Variants in RNF212B observed in about 807,000 individuals in gnomAD.
The protein encoded by RNF212B is E3 ubiquitin-protein ligase RNF212B.
RNF212B carries 52 observed loss-of-function variants against 55.5 expected under a neutral mutation model. That is an observed-to-expected ratio of 0.94 (90% CI 0.75 to 1.18). The LOEUF (loss-of-function observed/expected upper bound fraction) is 1.18. RNF212B is among the 50% of genes most tolerant of loss of function. The probability of loss-of-function intolerance (pLI) is 0.00; values close to 1 mark genes in which losing one functional copy is unlikely to be tolerated. For missense variants in RNF212B, 289 were observed against 350.4 expected (o/e 0.82, Z 1.40); for synonymous variants, 99 against 121.4 (o/e 0.82, Z 1.21).
chr14:23,268,353 G>A (rs1213919697), intron 11 of RNF212B, among the ~76,000 whole-genome samples: 2 of 152,208 alleles, frequency 1.3e-5, no homozygotes, highest in Non-Finnish European at 2.9e-5. Flanking sequence ...TATCATGGAG[G>A]TGGAGAAGGA....
Position 23,244,390 on chromosome 14 carries a change from C to G in RNF212B, c.222C>G (p.Ile74Met). Residue 74 changes from isoleucine to methionine, a missense_variant, in exon 4 of 15, where the codon ATC (isoleucine) becomes ATG (methionine). Physicochemically the swap from Ile to Met is conservative, Grantham distance 10. Transcript: ENST00000430154. ...CAGCTTTGCAGTATTTTAGTCACAT[C>G]TCTCAGGTATGAGAAACAAAAGTGA... ...VETALQYFSH[I>M]SQVWSFQKKQ... The G allele has an allele frequency of 6.5e-7, 1 of 1,532,708 alleles. No individual in the cohort carries two copies. Among genetic ancestry groups the G allele is most frequent in the Non-Finnish European group, 8.8e-7 (1 of 1,135,538 alleles). The allele number at this position is 1,532,708 out of a possible 1,614,324, so 94.9% of individuals were successfully genotyped here.
chr14:23,266,404 G>GTTTTTTTTTTTTTTTTTTTTTT (rs57731750), intron 11 of RNF212B, among the ~76,000 whole-genome samples: 1 of 46,872 alleles, frequency 2.1e-5, no homozygotes, highest in Non-Finnish European at 3.6e-5. Context: ...CCTTTTAAAT[G>GTTTTTTTTTTTTTTTTTTTTTT]TTTTTTTTTT....
intron 14 of RNF212B, among the ~76,000 whole-genome samples, chr14:23,271,335 T>A (rs1442564475): frequency 6.6e-6 from 1 of 151,374 alleles, no homozygotes; most frequent in African/African-American, 2.4e-5. Context: ...CTCAGCTACA[T>A]GAGAGGCTGA....
rs534517598 is a variant in RNF212B, at chr14:23,202,543, T to G, written c.-2+9142T>G. On this transcript the variant is annotated intron_variant, in intron 2 of 15. Transcript: ENST00000399910. ...TGGCATCTTCTACAGGGCCTAAAGA[T>G]GAGGCTTTAATTGCTGTCAGTGTTT... Among the ~76,000 whole-genome samples, 17 of 152,234 alleles carry G rather than the reference T, an allele frequency of 1.1e-4. No individual in the cohort carries two copies. The South Asian group carries it at 3.3e-3, about 30-fold the overall frequency.
At chr14:23,220,023 A>C (rs1881421303) in intron 2 of RNF212B, among the ~76,000 whole-genome samples, 1 of 151,780 alleles carries the variant, frequency 6.6e-6, no homozygotes, top group Non-Finnish European at 1.5e-5. Context: ...ATCTCTACCA[A>C]AAATACAAAA....
rs184994460 is a variant in RNF212B at position 23,212,697 on chromosome 14, T to G, written c.-2+19296T>G. ...CCTGGGTTCACACTATTCTCCTTTA[T>G]TTTTTAATTTAATAGAGATGGAGTC... On this transcript the variant is annotated intron_variant, in intron 2 of 15. Coordinates refer to the RNF212B transcript ENST00000399910. 2.4e-3 allele frequency among the ~76,000 whole-genome samples: 369 copies of G among 152,080 alleles called. 3 individuals are homozygous for G. The South Asian group carries it at 0.028, about 11-fold the overall frequency.
At chr14:23,252,944 A>G (rs1884523050) in intron 4 of RNF212B, among the ~76,000 whole-genome samples, 1 of 152,108 alleles carries the variant, frequency 6.6e-6, no homozygotes. Flanking sequence ...AATTATAACT[A>G]TATTTCTGTC....
chr14:23,230,881 C>G (rs1325106184), intron 2 of RNF212B, among the ~76,000 whole-genome samples: 1 of 152,022 alleles, frequency 6.6e-6, no homozygotes, highest in African/African-American at 2.4e-5. Flanking sequence ...CTGTTCTTTC[C>G]CCTATTCAAT....
chr14:23,210,419 G>T (rs1037534402), intron 2 of RNF212B, among the ~76,000 whole-genome samples: 2 of 152,206 alleles, frequency 1.3e-5, no homozygotes, highest in East Asian at 3.8e-4. Flanking sequence ...TTTGAACAAA[G>T]TCTGGAGTTT....
intron 2 of RNF212B, among the ~76,000 whole-genome samples, chr14:23,199,835 AGTT>A (rs1462507366): frequency 6.6e-6 from 1 of 152,148 alleles, no homozygotes; most frequent in African/African-American, 2.4e-5. Context: ...CTGAAGTTTA[AGTT>A]GTTTAGTCTC....
upstream of RNF212B, among the ~76,000 whole-genome samples, chr14:23,237,121 C>T (rs1452064156): frequency 2.0e-5 from 3 of 148,822 alleles, no homozygotes; most frequent in African/African-American, 7.4e-5. Context: ...CCCGCCACCA[C>T]ACCCGGCTAA....
At chr14:23,233,649 GGGGAATCATTCGGGCCTGGGAGGTTGA>G (rs1035937847), upstream of RNF212B, among the ~76,000 whole-genome samples, 1 of 150,448 alleles carries the variant, frequency 6.6e-6, no homozygotes, top group African/African-American at 2.4e-5. Flanking sequence ...GGCTGAGTTA[GGGGAATCATTCGGGCCTGGGAGGTTGA>G]GGCTGCAGTG....
intron 1 of RNF212B, among the ~76,000 whole-genome samples, chr14:23,185,861 A>T (rs1877540563): frequency 6.6e-6 from 1 of 152,180 alleles, no homozygotes; most frequent in South Asian, 2.1e-4. Context: ...GCACTTTGGG[A>T]GGCCGAAGCA....
chr14:23,238,577 T>C (rs1171920879), intron 1 of RNF212B, among the ~76,000 whole-genome samples: 1 of 150,846 alleles, frequency 6.6e-6, no homozygotes, highest in Non-Finnish European at 1.5e-5. Flanking sequence ...AAAATAAAAA[T>C]AAAAATAAAA....
chr14:23,207,639 G>A (rs529437754), intron 2 of RNF212B, among the ~76,000 whole-genome samples: 8 of 152,258 alleles, frequency 5.3e-5, no homozygotes, highest in African/African-American at 1.9e-4. Context: ...GTCAAAGGTC[G>A]GGGGCAACTC....
intron 14 of RNF212B, among the ~76,000 whole-genome samples, chr14:23,272,160 G>A (rs879589486): frequency 6.6e-6 from 1 of 152,170 alleles, no homozygotes; most frequent in Non-Finnish European, 1.5e-5. Context: ...GCTCATGCCT[G>A]TAATCCCAGC....
At chr14:23,198,500 C>T (rs547561780) in intron 2 of RNF212B, among the ~76,000 whole-genome samples, 23 of 151,962 alleles carry the variant, frequency 1.5e-4, no homozygotes, top group Admixed American at 5.2e-4. Context: ...ATAGTGAAAC[C>T]CCCGTCTCTA....
At chr14:23,200,874 G>A (rs1879219659) in intron 2 of RNF212B, among the ~76,000 whole-genome samples, 1 of 152,156 alleles carries the variant, frequency 6.6e-6, no homozygotes, top group Non-Finnish European at 1.5e-5. Context: ...TGTTAAAAAT[G>A]AAAACAGATT....
At chr14:23,240,226 A>G in intron 1 of RNF212B, 119 bp from the exon 2 acceptor site, 1 of 649,230 alleles carries the variant, frequency 1.5e-6, no homozygotes, top group Admixed American at 2.7e-5. Flanking sequence ...ACCCACAATG[A>G]TATGCCACAT....
Sources: gnomAD v4.1 joint callset for allele counts (sites outside exome capture counted in the v4.1 genomes callset) on GRCh38, gnomAD v4.1.1 for gene constraint, MANE v1.5 for transcripts, NCBI Gene and HGNC (gene_info 2026-07-23, HGNC 2026-07-21) for gene names.